MLLT10: variants seen among roughly 807,000 people sequenced by gnomAD.
The protein encoded by MLLT10 is MLLT10 histone lysine methyltransferase DOT1L cofactor, also known as protein AF-10.
Under a neutral mutation model 129.1 loss-of-function variants are expected in MLLT10, and 30 were observed. The ratio of observed to expected loss-of-function variants is 0.23; its 90% CI spans 0.17 to 0.32. MLLT10 has a LOEUF of 0.32. Among genes scored for constraint, MLLT10 ranks in the 10% least tolerant of loss-of-function variants. MLLT10 has a pLI of 1.00. For missense variants in MLLT10, 1,119 were observed against 1,268.3 expected (o/e 0.88, Z 1.79); for synonymous variants, 490 against 446.4 (o/e 1.10, Z -1.23).
At chr10:21,621,278 T>C (rs1319927984) in intron 8 of MLLT10, among the ~76,000 whole-genome samples, 1 of 140,162 alleles carries the variant, frequency 7.1e-6, no homozygotes, top group Non-Finnish European at 1.5e-5. Context: ...GGAGTCTCGC[T>C]CTGTTGCCTA....
At chr10:21,553,815 A>G (rs2130962670) in intron 3 of MLLT10, among the ~76,000 whole-genome samples, 1 of 151,538 alleles carries the variant, frequency 6.6e-6, no homozygotes, top group Admixed American at 6.6e-5. Flanking sequence ...ATGCCTGGCT[A>G]ATTTTTGTAT....
In MLLT10 at chr10:21,743,314, A is replaced by C. The variant is rs746664914; in HGVS notation, c.*1331A>C. 9.0e-6 allele frequency: 2 copies of C among 222,238 alleles called. No homozygotes were observed. Among genetic ancestry groups the C allele is most frequent in the Non-Finnish European group, 1.8e-5 (2 of 111,074 alleles). The allele number at this position is 222,238 out of a possible 1,614,324, so 13.8% of individuals were successfully genotyped here. Reference sequence around the variant, plus strand: ...CATTTCTGTAAATAAAGTTTTGTGAATCTGTTTTGTATTGTGACAAATTCA... The same window carrying C: ...CATTTCTGTAAATAAAGTTTTGTGACTCTGTTTTGTATTGTGACAAATTCA... On this transcript the variant is annotated 3_prime_UTR_variant, in exon 23 of 23. Transcript: ENST00000307729.
At chr10:21,594,120 T>A (rs1158041458) in intron 4 of MLLT10, among the ~76,000 whole-genome samples, 1 of 152,008 alleles carries the variant, frequency 6.6e-6, no homozygotes, top group Non-Finnish European at 1.5e-5. Context: ...TGAGGGTCTA[T>A]GTACTTTTTG....
intron 13 of MLLT10, among the ~76,000 whole-genome samples, chr10:21,689,130 C>T (rs1302349691): frequency 1.3e-5 from 2 of 151,950 alleles, no homozygotes; most frequent in Non-Finnish European, 2.9e-5. Context: ...TTGAGACTGT[C>T]TTAGCTTTTT....
intron 13 of MLLT10, among the ~76,000 whole-genome samples, chr10:21,695,286 C>G (rs910298441): frequency 1.3e-5 from 2 of 152,092 alleles, no homozygotes; most frequent in African/African-American, 4.8e-5. Flanking sequence ...TGAGCCACTG[C>G]ACTCAGCCCC....
intron 13 of MLLT10, among the ~76,000 whole-genome samples, chr10:21,712,824 T>C (rs928493362): frequency 1.3e-5 from 2 of 152,254 alleles, no homozygotes; most frequent in African/African-American, 2.4e-5. Flanking sequence ...TCACCCCTGG[T>C]TGAGAACGGC....
intron 2 of MLLT10, among the ~76,000 whole-genome samples, chr10:21,535,361 G>A (rs756852868): frequency 2.6e-5 from 4 of 152,144 alleles, no homozygotes; most frequent in Non-Finnish European, 1.5e-5. Flanking sequence ...GTTGCACCCC[G>A]AGCCAGAAGG....
chr10:21,593,036 C>T (rs1349604236), intron 4 of MLLT10, among the ~76,000 whole-genome samples: 1 of 151,036 alleles, frequency 6.6e-6, no homozygotes, highest in Non-Finnish European at 1.5e-5. Flanking sequence ...TTCTTCTGAC[C>T]TGTTTTGTTC....
chr10:21,615,444 TGAGA>T (rs2131205719), intron 7 of MLLT10, among the ~76,000 whole-genome samples: 1 of 111,200 alleles, frequency 9.0e-6, no homozygotes, highest in South Asian at 2.7e-4. Context: ...GAAACAAGAG[TGAGA>T]CTCCGTCTCA....
At chr10:21,738,527 G>A in intron 21 of MLLT10, 1 of 1,287,362 alleles carries the variant, frequency 7.8e-7, no homozygotes, top group Non-Finnish European at 1.0e-6. Flanking sequence ...GTGGGCTAAA[G>A]TTTGTTCATT....
chr10:21,621,606 GC>G (rs1256771590), intron 8 of MLLT10, among the ~76,000 whole-genome samples: 2 of 146,888 alleles, frequency 1.4e-5, no homozygotes, highest in Admixed American at 6.8e-5. Flanking sequence ...ACCGACCTCC[GC>G]CCCCCCCACC....
At chr10:21,738,602 A>G (rs1005524054) in intron 21 of MLLT10, 6 of 1,197,140 alleles carry the variant, frequency 5.0e-6, no homozygotes, top group Middle Eastern at 2.3e-4. Flanking sequence ...TCCGCTCGAC[A>G]CTCTTGCTTG....
At chr10:21,721,880 C>A (rs995127253) in intron 14 of MLLT10, among the ~76,000 whole-genome samples, 1 of 151,954 alleles carries the variant, frequency 6.6e-6, no homozygotes, top group Non-Finnish European at 1.5e-5. Flanking sequence ...AATAATTACA[C>A]TTCTCTTAAT....
intron 3 of MLLT10, among the ~76,000 whole-genome samples, chr10:21,577,503 G>C: frequency 7.6e-6 from 1 of 132,310 alleles, no homozygotes; most frequent in East Asian, 2.3e-4. Context: ...TCCCTCTGTT[G>C]CCCAGGCTGG....
At chr10:21,683,891 G>A (rs745638864) in intron 13 of MLLT10, among the ~76,000 whole-genome samples, 1 of 151,860 alleles carries the variant, frequency 6.6e-6, no homozygotes, top group East Asian at 1.9e-4. Context: ...CGTGAGCCAC[G>A]ATGCCCAGCC....
intron 14 of MLLT10, among the ~76,000 whole-genome samples, chr10:21,723,099 A>G (rs1296722712): frequency 6.6e-6 from 1 of 152,178 alleles, no homozygotes; most frequent in African/African-American, 2.4e-5. Flanking sequence ...TATTGTATCA[A>G]CTTTTGCCAG....
chr10:21,667,417 G>GT, intron 9 of MLLT10, among the ~76,000 whole-genome samples: 1 of 145,918 alleles, frequency 6.9e-6, no homozygotes, highest in Non-Finnish European at 1.5e-5. Flanking sequence ...TATTTCTTCA[G>GT]TTTTGTGGGG....
intron 14 of MLLT10, among the ~76,000 whole-genome samples, chr10:21,716,418 C>T (rs1408849582): frequency 6.6e-6 from 1 of 152,104 alleles, no homozygotes; most frequent in African/African-American, 2.4e-5. Flanking sequence ...CTAGGCTGGG[C>T]GTGGTGGCTC....
intron 9 of MLLT10, among the ~76,000 whole-genome samples, chr10:21,653,367 C>T (rs552187339): frequency 2.0e-4 from 30 of 152,286 alleles, no homozygotes; most frequent in African/African-American, 7.0e-4. Flanking sequence ...TTCTTTGCTG[C>T]CTGTCAGGTG....
Sources: gnomAD v4.1 joint callset for allele counts (sites outside exome capture counted in the v4.1 genomes callset) on GRCh38, gnomAD v4.1.1 for gene constraint, MANE v1.5 for transcripts, NCBI Gene and HGNC (gene_info 2026-07-23, HGNC 2026-07-21) for gene names.